The following GLE1 variants were observed in gnomAD, a reference collection of about 807,000 sequenced individuals.
GLE1 encodes the protein GLE1 RNA export mediator.
GLE1 carries 78 observed loss-of-function variants against 97.3 expected under a neutral mutation model. The ratio of observed to expected loss-of-function variants is 0.80; its 90% confidence interval spans 0.67 to 0.97. GLE1 has a LOEUF of 0.97. GLE1 is among the 50% of genes least tolerant of loss of function. The probability of loss-of-function intolerance (pLI) is 0.00; values close to 1 mark genes in which losing one functional copy is unlikely to be tolerated. For missense variants in GLE1, 753 were observed against 857.5 expected, an observed-to-expected ratio of 0.88 and a Z score of 1.52; for synonymous variants, 302 against 313.4, an observed-to-expected ratio of 0.96 and a Z score of 0.39.
intron 3 of GLE1, among the ~76,000 whole-genome samples, chr9:128,520,415 T>C (rs1472386963): frequency 6.8e-6 from 1 of 148,088 alleles, no homozygotes; most frequent in East Asian, 2.0e-4. Context: ...TATATGTATA[T>C]ATATGTATAT....
At position 128,522,777 on chromosome 9, in the gene GLE1, A is replaced by G. The variant is rs1019578110; in HGVS notation, c.542A>G (p.His181Arg). 2.2e-5 allele frequency: 36 copies of G among 1,614,018 alleles called. No homozygotes were observed. Among genetic ancestry groups the G allele is most frequent in the African/African-American group, 9.3e-5 (7 of 74,924 alleles). Residue 181 changes from histidine to arginine, a missense_variant, in exon 4 of 16, where the codon CAT becomes CGT. His to Arg is a conservative substitution (Grantham distance 29, BLOSUM62 0). Coordinates refer to ENST00000309971, the MANE Select transcript of GLE1 (RefSeq NM_001003722.2). ...RFDEWKELKQ[H>R]KEFQDLREVM... ...GATGAATGGAAGGAACTGAAGCAGC[A>G]TAAAGAATTCCAGGACTTGCGGGAA...
intron 3 of GLE1, among the ~76,000 whole-genome samples, chr9:128,520,352 A>G (rs1422248210): frequency 2.8e-3 from 420 of 147,700 alleles, no homozygotes; most frequent in African/African-American, 9.3e-3. Context: ...ATGTGTATAT[A>G]TGTATGTGTG....
intron 3 of GLE1, among the ~76,000 whole-genome samples, chr9:128,522,452 C>A (rs1333012201): frequency 6.6e-6 from 1 of 151,994 alleles, no homozygotes; most frequent in Admixed American, 6.6e-5. Flanking sequence ...GTCAAGAGAT[C>A]AAGACCATCC....
Position 128,541,116 on chromosome 9 carries a change from C to T in GLE1, c.2043C>T (p.His681=), listed in dbSNP as rs749377351. 1.9e-6 allele frequency: 3 copies of T among 1,578,152 alleles called. No individual in the cohort carries two copies. The highest frequency in any genetic ancestry group is 1.1e-5 in the South Asian group (1 of 90,342). Residue 681 remains histidine (H), a synonymous_variant, in exon 16 of 16, where the codon CAC becomes CAT. Coordinates refer to ENST00000309971, the MANE Select transcript of GLE1 (RefSeq NM_001003722.2). ...TCCCTGACCAGAAATGTTTGCAACA[C>T]AAGGACATTCCTGTCCCCAAGGGCT... ...LKQFLEKCLQ[H]KDIPVPKGFL...
chr9:128,538,437 C>T lies in GLE1; in HGVS notation c.1881+347C>T, dbSNP rs983555904. Among the ~76,000 whole-genome samples the T allele has an allele frequency of 2.6e-5, 4 of 151,520 alleles. No individual in the cohort carries two copies. In the East Asian group the frequency reaches 7.7e-4, roughly 29 times the overall value. ...CAGCACTTTGGGAGGCCAAGGTGGG[C>T]GGATGACATGGGGTCAGGAGTTCGA... On this transcript the variant is annotated intron_variant, in intron 13 of 15. Coordinates refer to ENST00000309971, the MANE Select transcript of GLE1 (RefSeq NM_001003722.2).
At chr9:128,527,761 C>T (rs1044488250) in intron 9 of GLE1, among the ~76,000 whole-genome samples, 1 of 151,862 alleles carries the variant, frequency 6.6e-6, no homozygotes, top group Non-Finnish European at 1.5e-5. Context: ...GTCAGGAGTT[C>T]AAGAGCAGCC....
At chr9:128,515,424 G>C (rs979906339) in intron 2 of GLE1, 105 bp from the exon 3 acceptor site, 10 of 707,648 alleles carry the variant, frequency 1.4e-5, no homozygotes, top group Non-Finnish European at 2.5e-5. Context: ...GTTATTGGTG[G>C]TTGTTCATAA....
rs4836614 is a variant in GLE1, at chr9:128,539,372, T to C, written c.1882-244T>C. On this transcript the variant is annotated intron_variant, in intron 13 of 15. Transcript: ENST00000309971. ...TACCTTTAGGAAGGCGTCCATTCAT[T>C]AGAGGAAAAGAAGAGTAGTTCATTA... Among the ~76,000 whole-genome samples, 38,987 of 152,100 alleles carry C rather than the reference T, an allele frequency of 0.26. 5,490 individuals are homozygous for C. The highest frequency in any genetic ancestry group is 0.39 in the East Asian group (2,030 of 5,174).
At chr9:128,540,198 G>T in intron 14 of GLE1, 77 bp from the exon 15 acceptor site, 1 of 997,984 alleles carries the variant, frequency 1.0e-6, no homozygotes, top group Non-Finnish European at 1.6e-6. Flanking sequence ...TCCAGCCTAG[G>T]TGACAGAGTG....
chr9:128,539,059 G>A (rs953646279), intron 13 of GLE1, among the ~76,000 whole-genome samples: 2 of 151,984 alleles, frequency 1.3e-5, no homozygotes, highest in Non-Finnish European at 2.9e-5. Context: ...AGGGCAATAT[G>A]GTGAAACCCT....
chr9:128,510,729 A>G (rs1335290380), intron 2 of GLE1, among the ~76,000 whole-genome samples: 1 of 141,034 alleles, frequency 7.1e-6, no homozygotes, highest in African/African-American at 2.7e-5. Flanking sequence ...GGATTTTGCC[A>G]TGTTGTCCAG....
intron 3 of GLE1, among the ~76,000 whole-genome samples, chr9:128,520,394 G>GTA (rs1847115722): frequency 1.4e-5 from 2 of 147,704 alleles, no homozygotes; most frequent in Admixed American, 1.4e-4. Context: ...GTGTATATAT[G>GTA]TATGTGTGTA....
chr9:128,512,617 A>T (rs761830626), intron 2 of GLE1, among the ~76,000 whole-genome samples: 1 of 151,388 alleles, frequency 6.6e-6, no homozygotes, highest in African/African-American at 2.4e-5. Context: ...TCTTTTCCTC[A>T]GTGGACTTCA....
intron 11 of GLE1, among the ~76,000 whole-genome samples, chr9:128,535,393 G>T (rs1847670475): frequency 6.6e-6 from 1 of 151,758 alleles, no homozygotes; most frequent in Non-Finnish European, 1.5e-5. Flanking sequence ...ATGGTGGCAG[G>T]CACCTGTAAT....
intron 11 of GLE1, among the ~76,000 whole-genome samples, chr9:128,535,104 G>A (rs907633575): frequency 6.6e-6 from 1 of 152,132 alleles, no homozygotes; most frequent in Non-Finnish European, 1.5e-5. Context: ...CAGGTGCAGT[G>A]CCTCATGCCT....
chr9:128,510,830 GTT>G (rs370393212), intron 2 of GLE1, among the ~76,000 whole-genome samples: 9 of 127,468 alleles, frequency 7.1e-5, no homozygotes, highest in African/African-American at 1.7e-4. Context: ...TGCCTGGCCA[GTT>G]TTTTTTTTTT....
intron 9 of GLE1, among the ~76,000 whole-genome samples, chr9:128,531,596 A>T (rs1223273282): frequency 6.6e-6 from 1 of 150,430 alleles, no homozygotes; most frequent in African/African-American, 2.4e-5. Flanking sequence ...TTTTGAGAGG[A>T]TGAGGCAGAC....
intron 2 of GLE1, among the ~76,000 whole-genome samples, chr9:128,512,123 AT>A (rs1282536908): frequency 1.3e-5 from 2 of 152,090 alleles, no homozygotes; most frequent in Admixed American, 1.3e-4. Flanking sequence ...GTGAAGATTT[AT>A]TTATTTAACA....
chr9:128,530,778 A>G (rs1196380321), intron 9 of GLE1, among the ~76,000 whole-genome samples: 2 of 151,776 alleles, frequency 1.3e-5, no homozygotes, highest in Non-Finnish European at 2.9e-5. Context: ...GCGTGGTGGC[A>G]GGCACCTGTA....
Sources: allele counts gnomAD v4.1 joint callset (sites outside exome capture counted in the v4.1 genomes callset), GRCh38; gene constraint gnomAD v4.1.1; transcripts MANE v1.5; gene names NCBI Gene and HGNC (gene_info 2026-07-23, HGNC 2026-07-21).